The following HS3ST4 variants were observed in gnomAD, a reference collection of about 807,000 sequenced individuals.
HS3ST4 encodes heparan sulfate glucosamine 3-O-sulfotransferase 4.
In HS3ST4, 17 loss-of-function variants were observed where a neutral mutation model predicts 29.2. The ratio of observed to expected loss-of-function variants is 0.58; its 90% CI spans 0.40 to 0.87. The LOEUF is 0.87. Among genes scored for constraint, HS3ST4 ranks in the 40% least tolerant of loss-of-function variants. The pLI is 0.00. For synonymous variants in HS3ST4, 314 were observed against 285.7 expected (o/e 1.10, Z -1.00); for missense variants, 627 against 634.5 (o/e 0.99, Z 0.13).
At chr16:25,864,377 G>A (rs1008509509) in intron 1 of HS3ST4, among the ~76,000 whole-genome samples, 11 of 125,748 alleles carry the variant, frequency 8.7e-5, no homozygotes, top group Admixed American at 1.5e-4. Flanking sequence ...TATTAGGTTG[G>A]TGCAAAAGTA....
rs150577244 is a variant in HS3ST4, at chr16:26,117,129, G to T, written c.735-18483G>T. 4.8e-3 allele frequency among the ~76,000 whole-genome samples: 725 copies of T among 152,304 alleles called. 10 individuals are homozygous for T. Among genetic ancestry groups the T allele is most frequent in the African/African-American group, 0.017 (697 of 41,558 alleles). On this transcript the variant is annotated intron_variant, in intron 1 of 1. Coordinates refer to ENST00000331351, the MANE Select transcript of HS3ST4 (RefSeq NM_006040.3). ...CCAATGACCAGGAACCATCACATAC[G>T]TATTGAGTTAGAATCCTCCCTGTGG... is the stretch of plus-strand genomic sequence containing the variant.
rs552661764 is a variant in HS3ST4, at chr16:25,704,491, G to A, written c.734+11340G>A. Among the ~76,000 whole-genome samples the A allele has an allele frequency of 2.9e-3, 436 of 152,134 alleles. 2 individuals carry two copies. Among genetic ancestry groups the A allele is most frequent in the African/African-American group, 9.0e-3 (373 of 41,500 alleles). ...TATTTATTTTTAGAGATGGTGTCTC[G>A]CTCTGTTGCCCAGCCTGGAGTACAG... On this transcript the variant is annotated intron_variant, in intron 1 of 1. Coordinates refer to ENST00000331351, the MANE Select transcript of HS3ST4 (RefSeq NM_006040.3).
chr16:26,067,956 G>A (rs532467903), intron 1 of HS3ST4, among the ~76,000 whole-genome samples: 220 of 152,248 alleles, frequency 1.4e-3, no homozygotes, highest in African/African-American at 4.9e-3. Flanking sequence ...CGTCCCAGCC[G>A]TGTGGAACTG....
intron 1 of HS3ST4, among the ~76,000 whole-genome samples, chr16:25,922,230 G>T (rs1968361258): frequency 6.6e-6 from 1 of 152,148 alleles, no homozygotes; most frequent in Non-Finnish European, 1.5e-5. Flanking sequence ...CCTAATCCCT[G>T]GTGTGATGGT....
intron 1 of HS3ST4, among the ~76,000 whole-genome samples, chr16:25,773,878 T>TC: frequency 6.6e-6 from 1 of 152,082 alleles, no homozygotes. Flanking sequence ...TGTGCTGACT[T>TC]CAAGATAGAG....
chr16:25,895,267 G>A (rs1034952404), intron 1 of HS3ST4, among the ~76,000 whole-genome samples: 1 of 152,150 alleles, frequency 6.6e-6, no homozygotes, highest in Non-Finnish European at 1.5e-5. Context: ...TGTATGACCA[G>A]GTAGAGGGAT....
intron 1 of HS3ST4, among the ~76,000 whole-genome samples, chr16:26,018,800 A>T (rs1033152637): frequency 1.3e-5 from 2 of 151,644 alleles, no homozygotes; most frequent in Non-Finnish European, 2.9e-5. Context: ...TCTGAAAATC[A>T]CCAGAAGATC....
chr16:25,714,824 C>T (rs1024466279), intron 1 of HS3ST4, among the ~76,000 whole-genome samples: 2 of 152,222 alleles, frequency 1.3e-5, no homozygotes, highest in Non-Finnish European at 2.9e-5. Flanking sequence ...TCCTGATGGA[C>T]ATCTCTGTAG....
chr16:25,869,984 G>A (rs1026776117), intron 1 of HS3ST4, among the ~76,000 whole-genome samples: 9 of 152,158 alleles, frequency 5.9e-5, no homozygotes, highest in East Asian at 5.8e-4. Flanking sequence ...TCATCCTGGA[G>A]TGTTCATCTC....
chr16:25,767,831 C>T (rs1184365975), intron 1 of HS3ST4, among the ~76,000 whole-genome samples: 1 of 152,186 alleles, frequency 6.6e-6, no homozygotes, highest in African/African-American at 2.4e-5. Context: ...CTAGTGAGTG[C>T]CAAAGCTGCC....
chr16:25,948,768 T>A (rs1417654873), intron 1 of HS3ST4, among the ~76,000 whole-genome samples: 1 of 152,222 alleles, frequency 6.6e-6, no homozygotes, highest in Non-Finnish European at 1.5e-5. Context: ...TGGTACCTAC[T>A]GAGCACTTAT....
chr16:25,853,597 G>C (rs1018447768), intron 1 of HS3ST4, among the ~76,000 whole-genome samples: 1 of 152,134 alleles, frequency 6.6e-6, no homozygotes, highest in African/African-American at 2.4e-5. Flanking sequence ...ATTGTTGAAA[G>C]TTTTTATCAT....
At chr16:26,103,835 A>C (rs1028403142) in intron 1 of HS3ST4, among the ~76,000 whole-genome samples, 1 of 152,172 alleles carries the variant, frequency 6.6e-6, no homozygotes, top group Non-Finnish European at 1.5e-5. Flanking sequence ...TATCAATGTC[A>C]CTAAAAACCA....
chr16:25,741,035 T>G (rs1010491964), intron 1 of HS3ST4, among the ~76,000 whole-genome samples: 1 of 141,068 alleles, frequency 7.1e-6, no homozygotes, highest in Non-Finnish European at 1.5e-5. Flanking sequence ...ACATAAAGTG[T>G]GTGTCTGTGT....
intron 1 of HS3ST4, among the ~76,000 whole-genome samples, chr16:25,700,151 C>T (rs116943921): frequency 0.012 from 1,864 of 152,278 alleles, 12 homozygotes; most frequent in Non-Finnish European, 0.02. Context: ...ATAATCAGAA[C>T]CGGATTCCAG....
chr16:26,041,280 G>C (rs145197459), intron 1 of HS3ST4, among the ~76,000 whole-genome samples: 23 of 152,268 alleles, frequency 1.5e-4, no homozygotes, highest in African/African-American at 5.3e-4. Flanking sequence ...AGTCAAGGCT[G>C]CAGTGAGCTA....
intron 1 of HS3ST4, among the ~76,000 whole-genome samples, chr16:26,092,673 T>G (rs796078518): frequency 6.6e-6 from 1 of 152,262 alleles, no homozygotes; most frequent in African/African-American, 2.4e-5. Flanking sequence ...CCAGTGTGAT[T>G]GATGCAGAAG....
rs954047040 is a variant in HS3ST4, at chr16:25,961,767, C to A, written c.735-173845C>A. Among the ~76,000 whole-genome samples the A allele has an allele frequency of 1.1e-4, 16 of 152,148 alleles. No homozygotes were observed. The East Asian group carries it at 3.1e-3, about 29-fold the overall frequency. On this transcript the variant is annotated intron_variant, in intron 1 of 1. Coordinates refer to ENST00000331351, the MANE Select transcript of HS3ST4 (RefSeq NM_006040.3). ...ATTGATGCACAGGTAGATTGTGGAACTTGTTCTGGTCACACTACAAGCCAA... is the reference window on the plus strand; with the variant it reads ...ATTGATGCACAGGTAGATTGTGGAAATTGTTCTGGTCACACTACAAGCCAA...
At chr16:25,705,785 T>C (rs539278831) in intron 1 of HS3ST4, among the ~76,000 whole-genome samples, 2 of 152,330 alleles carry the variant, frequency 1.3e-5, no homozygotes, top group African/African-American at 4.8e-5. Context: ...TGTGCATAGA[T>C]TGGTGTGTAG....
Sources: allele counts gnomAD v4.1 joint callset (sites outside exome capture counted in the v4.1 genomes callset), GRCh38; gene constraint gnomAD v4.1.1; transcripts MANE v1.5; gene names NCBI Gene and HGNC (gene_info 2026-07-23, HGNC 2026-07-21).